Variants in MSRA observed in about 807,000 individuals in gnomAD.
MSRA encodes methionine sulfoxide reductase A, also known as mitochondrial peptide methionine sulfoxide reductase.
In MSRA, 54 loss-of-function variants were observed where a neutral mutation model predicts 31.3. The ratio of observed to expected loss-of-function variants is 1.73; its 90% CI spans 1.39 to 2.17. MSRA has a LOEUF of 2.17. MSRA is among the 30% of genes most tolerant of loss of function. The pLI is 0.00. For synonymous variants in MSRA, 169 were observed against 116.5 expected, an observed-to-expected ratio of 1.45 and a Z score of -2.90; for missense variants, 507 against 300.9, an observed-to-expected ratio of 1.69 and a Z score of -5.07.
At chr8:10,395,385 G>C (rs779463747) in intron 5 of MSRA, among the ~76,000 whole-genome samples, 6 of 152,208 alleles carry the variant, frequency 3.9e-5, no homozygotes, top group Non-Finnish European at 7.3e-5. Context: ...TATAGGATGT[G>C]TGTAGAAAGA....
At chr8:10,100,712 C>T (rs1179056872) in intron 1 of MSRA, among the ~76,000 whole-genome samples, 22 of 152,054 alleles carry the variant, frequency 1.4e-4, no homozygotes, top group African/African-American at 9.7e-5. Context: ...AAAGTTTGGC[C>T]GTGAGTTGTG....
At chr8:10,090,786 T>C (rs891034467) in intron 1 of MSRA, among the ~76,000 whole-genome samples, 12 of 152,204 alleles carry the variant, frequency 7.9e-5, no homozygotes, top group African/African-American at 2.9e-4. Context: ...AATCATACAA[T>C]ATGCGGACTT....
chr8:10,347,074 G>T (rs1803828842), intron 5 of MSRA, among the ~76,000 whole-genome samples: 1 of 152,102 alleles, frequency 6.6e-6, no homozygotes, highest in East Asian at 1.9e-4. Flanking sequence ...CACAGCACCT[G>T]CACTTTGATC....
In MSRA at chr8:10,301,629, C is replaced by G. The variant is rs764077051; in HGVS notation, c.427C>G (p.Pro143Ala). 2 of 1,613,286 alleles carry G rather than the reference C, an allele frequency of 1.2e-6. No individual in the cohort carries two copies. Among genetic ancestry groups the G allele is most frequent in the Admixed American group, 1.7e-5 (1 of 59,960 alleles). Residue 143 changes from proline to alanine, a missense_variant, in exon 4 of 6, where the codon CCG becomes GCG. Transcript: ENST00000317173. ...LLKVFWENHD[P>A]TQGMRQGNDH... Reference sequence around the variant, plus strand: ...CAAGGTCTTCTGGGAGAATCACGACCCGACCCAAGGTAGAGTGATGAGTGA... The same window carrying G: ...CAAGGTCTTCTGGGAGAATCACGACGCGACCCAAGGTAGAGTGATGAGTGA...
At chr8:10,110,163 C>T (rs1443192354) in intron 1 of MSRA, among the ~76,000 whole-genome samples, 1 of 152,188 alleles carries the variant, frequency 6.6e-6, no homozygotes, top group East Asian at 1.9e-4. Context: ...ATTCTTTGTC[C>T]ACGCTAACAC....
chr8:10,198,305 T>C (rs113789092), intron 1 of MSRA, among the ~76,000 whole-genome samples: 52 of 122,168 alleles, frequency 4.3e-4, no homozygotes, highest in African/African-American at 1.7e-3. Context: ...TTGAGGAGGA[T>C]ACTTTATTAT....
chr8:10,195,223 G>A (rs1468634643), intron 1 of MSRA, among the ~76,000 whole-genome samples: 1 of 152,174 alleles, frequency 6.6e-6, no homozygotes, highest in Non-Finnish European at 1.5e-5. Context: ...CCTTGTTAAT[G>A]TTCCATGTTA....
intron 3 of MSRA, among the ~76,000 whole-genome samples, chr8:10,254,730 ACTGT>A (rs1798089562): frequency 6.6e-6 from 1 of 152,234 alleles, no homozygotes; most frequent in Admixed American, 6.5e-5. Context: ...TATGTTTAAG[ACTGT>A]CTCCTTCTAA....
At chr8:10,248,755 C>T (rs369489960) in intron 3 of MSRA, among the ~76,000 whole-genome samples, 6 of 152,148 alleles carry the variant, frequency 3.9e-5, no homozygotes, top group African/African-American at 7.2e-5. Flanking sequence ...GTGTGCCCAT[C>T]GTGGGCTCAC....
intron 1 of MSRA, among the ~76,000 whole-genome samples, chr8:10,150,604 A>G (rs1038740900): frequency 6.6e-6 from 1 of 152,128 alleles, no homozygotes; most frequent in African/African-American, 2.4e-5. Flanking sequence ...ACAAACAACA[A>G]AAAAAAGCAG....
intron 1 of MSRA, among the ~76,000 whole-genome samples, chr8:10,099,874 C>T (rs971803404): frequency 5.9e-5 from 9 of 152,184 alleles, no homozygotes; most frequent in African/African-American, 2.2e-4. Flanking sequence ...TCCTCATTTT[C>T]CCAAAGCATC....
chr8:10,112,456 C>T (rs893282702), intron 1 of MSRA, among the ~76,000 whole-genome samples: 2 of 152,144 alleles, frequency 1.3e-5, no homozygotes, highest in African/African-American at 4.8e-5. Context: ...AAAATGCCTG[C>T]CACAGTCACA....
intron 5 of MSRA, among the ~76,000 whole-genome samples, chr8:10,353,179 A>T (rs1400697604): frequency 6.6e-6 from 1 of 152,210 alleles, no homozygotes; most frequent in Non-Finnish European, 1.5e-5. Context: ...AGGCAAAGCA[A>T]TGCTCAAGGT....
intron 3 of MSRA, among the ~76,000 whole-genome samples, chr8:10,280,461 G>C (rs1277201154): frequency 2.0e-5 from 3 of 152,088 alleles, no homozygotes; most frequent in African/African-American, 7.2e-5. Context: ...CATTGTAATT[G>C]TGATTTTTCC....
chr8:10,279,223 G>A (rs1678491448), intron 3 of MSRA, among the ~76,000 whole-genome samples: 1 of 152,150 alleles, frequency 6.6e-6, no homozygotes, highest in South Asian at 2.1e-4. Flanking sequence ...ATTAAAGCGT[G>A]CATTGCGTGT....
intron 3 of MSRA, among the ~76,000 whole-genome samples, chr8:10,277,003 A>G (rs1799354969): frequency 6.6e-6 from 1 of 152,180 alleles, no homozygotes; most frequent in Non-Finnish European, 1.5e-5. Flanking sequence ...AATGTGTATT[A>G]CCATTAAGAT....
At chr8:10,103,847 T>TAA (rs35390479) in intron 1 of MSRA, among the ~76,000 whole-genome samples, 24 of 149,436 alleles carry the variant, frequency 1.6e-4, no homozygotes, top group African/African-American at 2.2e-4. Context: ...CCTCAGATGT[T>TAA]AAAAAAAAAA....
At chr8:10,272,293 A>T (rs1799085578) in intron 3 of MSRA, among the ~76,000 whole-genome samples, 1 of 152,172 alleles carries the variant, frequency 6.6e-6, no homozygotes, top group Non-Finnish European at 1.5e-5. Context: ...ATGATTATGG[A>T]GGCTGGTGAG....
chr8:10,382,799 C>G (rs1328615897), intron 5 of MSRA, among the ~76,000 whole-genome samples: 2 of 152,234 alleles, frequency 1.3e-5, no homozygotes, highest in Admixed American at 6.5e-5. Context: ...AGAGGTCCCA[C>G]TCTGCCACTA....
Sources: gnomAD v4.1 joint callset for allele counts (sites outside exome capture counted in the v4.1 genomes callset) on GRCh38, gnomAD v4.1.1 for gene constraint, MANE v1.5 for transcripts, NCBI Gene and HGNC (gene_info 2026-07-23, HGNC 2026-07-21) for gene names.